TFB1M: variants seen among roughly 807,000 people sequenced by gnomAD.
The protein encoded by TFB1M is dimethyladenosine transferase 1, mitochondrial.
TFB1M carries 27 observed loss-of-function variants against 31.1 expected under a neutral mutation model. That is an observed-to-expected ratio of 0.87 (90% CI 0.64 to 1.20). The LOEUF is 1.20. TFB1M is among the 50% of genes most tolerant of loss of function. TFB1M has a pLI of 0.00. For missense variants in TFB1M, 394 were observed against 418.7 expected (o/e 0.94, Z 0.51); for synonymous variants, 166 against 151.8 (o/e 1.09, Z -0.69).
downstream of TFB1M, chr6:155,254,528 C>G: frequency 6.2e-7 from 1 of 1,613,982 alleles, no homozygotes; most frequent in Non-Finnish European, 8.5e-7. Flanking sequence ...GTGTAAGGAT[C>G]GCCTGGTACC....
the TFB1M span, among the ~76,000 whole-genome samples, chr6:155,232,381 CAT>C: frequency 6.6e-6 from 1 of 152,176 alleles, no homozygotes; most frequent in Non-Finnish European, 1.5e-5. Flanking sequence ...GCAGCCTCCC[CAT>C]GCCTTCCAGA....
chr6:155,245,689 T>C, the TFB1M span: 1 of 1,613,990 alleles, frequency 6.2e-7, no homozygotes, highest in Non-Finnish European at 8.5e-7. Context: ...GTACAGTGGA[T>C]TCTGTGCTAA....
downstream of TFB1M, chr6:155,254,032 C>T: frequency 6.2e-7 from 1 of 1,614,022 alleles, no homozygotes; most frequent in African/African-American, 1.3e-5. Flanking sequence ...AGAAGGACGG[C>T]CAGAAACCAT....
intron 2 of TFB1M, among the ~76,000 whole-genome samples, chr6:155,308,382 G>C (rs557058332): frequency 6.6e-6 from 1 of 152,270 alleles, no homozygotes; most frequent in South Asian, 2.1e-4. Context: ...TTAATCACCA[G>C]AGGTAATCAA....
chr6:155,283,931 A>T (rs571486381), intron 5 of TFB1M, among the ~76,000 whole-genome samples: 1 of 152,354 alleles, frequency 6.6e-6, no homozygotes, highest in East Asian at 1.9e-4. Flanking sequence ...TTTGAAGATA[A>T]CCTATAAGAT....
the TFB1M span, chr6:155,244,749 A>C: frequency 6.2e-7 from 1 of 1,613,918 alleles, no homozygotes; most frequent in Non-Finnish European, 8.5e-7. Flanking sequence ...GCATCATCTG[A>C]CTTTAACACC....
At chr6:155,276,076 T>C in intron 5 of TFB1M, 1 of 1,614,186 alleles carries the variant, frequency 6.2e-7, no homozygotes, top group African/African-American at 1.3e-5. Flanking sequence ...ATGCTTCCTT[T>C]GCTGGAGGAG....
At chr6:155,290,320 G>A (rs1361886913) in intron 4 of TFB1M, among the ~76,000 whole-genome samples, 1 of 148,982 alleles carries the variant, frequency 6.7e-6, no homozygotes, top group African/African-American at 2.5e-5. Context: ...CGGGAGGCGG[G>A]GCTTGCAGCG....
At chr6:155,244,187 C>T in the TFB1M span, 1 of 1,086,050 alleles carries the variant, frequency 9.2e-7, no homozygotes, top group Non-Finnish European at 1.4e-6. Flanking sequence ...AAGAACATCC[C>T]AAGACTTAAC....
rs190595028 is a variant in TFB1M, at chr6:155,262,434, T to A, written c.667-2034A>T. On this transcript the variant is annotated intron_variant, in intron 5 of 6. Transcript: ENST00000367166. ...TCGCCAGCCTTCTCTCACTGGACTC[T>A]CCATTTCCCTTTCATCCCCTGAGCT... Among the ~76,000 whole-genome samples the A allele has an allele frequency of 3.3e-5, 5 of 152,250 alleles. No homozygotes were observed. The East Asian group carries it at 9.7e-4, about 29-fold the overall frequency.
At chr6:155,256,010 T>TAA (rs1554248978), downstream of TFB1M, 864 of 146,732 alleles carry the variant, frequency 5.9e-3, 8 homozygotes, top group African/African-American at 0.026. Flanking sequence ...ACACTGTCTT[T>TAA]AAAAAAAAAG....
At chr6:155,254,223 T>C, downstream of TFB1M, 4 of 989,684 alleles carry the variant, frequency 4.0e-6, no homozygotes, top group South Asian at 1.7e-5. Context: ...ACTATGTTGA[T>C]TAAATAAATA....
At position 155,257,839 on chromosome 6, in the gene TFB1M, G is replaced by A. The variant is rs1391745461; in HGVS notation, c.1038C>T (p.Leu346=). Residue 346 remains leucine, a synonymous_variant, in exon 7 of 7, where the codon CTC becomes CTT. Transcript: ENST00000367166. ...KEEDDAENYR[L] is the part of the protein sequence containing the mutation. ...GCTGCTCGCCCCCAGGCAGCAGCTA[G>A]AGTCTGTAATTCTCTGCGTCATCCT... 1.2e-6 allele frequency: 2 copies of A among 1,614,134 alleles called. No homozygotes were observed. The highest frequency in any genetic ancestry group is 8.5e-7 in the Non-Finnish European group (1 of 1,179,978).
At chr6:155,309,476 A>C (rs1777925433) in intron 2 of TFB1M, among the ~76,000 whole-genome samples, 1 of 152,176 alleles carries the variant, frequency 6.6e-6, no homozygotes, top group Admixed American at 6.5e-5. Flanking sequence ...GAACGCAGTG[A>C]CTTATGGGTT....
At chr6:155,258,164 A>AAAC in intron 6 of TFB1M, 82 bp from the exon 7 acceptor site, 1 of 1,521,874 alleles carries the variant, frequency 6.6e-7, no homozygotes, top group Non-Finnish European at 9.0e-7. Context: ...CCTCATTTGA[A>AAAC]AACAACACAA....
At chr6:155,231,070 G>A in the TFB1M span, among the ~76,000 whole-genome samples, 2 of 151,732 alleles carry the variant, frequency 1.3e-5, no homozygotes, top group African/African-American at 2.4e-5. Context: ...TCAGACTCCT[G>A]ACATCAAGTG....
chr6:155,268,968 GA>G (rs1165731413), intron 5 of TFB1M, among the ~76,000 whole-genome samples: 8 of 95,026 alleles, frequency 8.4e-5, no homozygotes, highest in African/African-American at 2.5e-4. Flanking sequence ...AAAGAAAAAA[GA>G]AAAAAAATTA....
rs1419596021 is a variant in TFB1M at position 155,314,418 on chromosome 6, G to T, written c.11C>A (p.Ser4Tyr). The T allele has an allele frequency of 1.4e-5, 22 of 1,614,050 alleles. No homozygotes were observed. The highest frequency in any genetic ancestry group is 1.8e-5 in the Non-Finnish European group (21 of 1,180,016). Residue 4 changes from serine (S) to tyrosine (Y), a missense_variant, in exon 1 of 7, where the codon TCC becomes TAC. Transcript: ENST00000367166. MAA[S>Y]GKLSTCRLPP... ...GAGACGGCAAGTGCTGAGTTTTCCGGAGGCAGCCATGATACGCGGCAAGCA... is the reference window on the plus strand; with the variant it reads ...GAGACGGCAAGTGCTGAGTTTTCCGTAGGCAGCCATGATACGCGGCAAGCA...
the TFB1M span, chr6:155,240,740 T>A: frequency 6.3e-7 from 1 of 1,588,110 alleles, no homozygotes. Flanking sequence ...TATGCATTCG[T>A]GCCTCTTTGA....
Sources: gnomAD v4.1 joint callset for allele counts (sites outside exome capture counted in the v4.1 genomes callset) on GRCh38, gnomAD v4.1.1 for gene constraint, MANE v1.5 for transcripts, NCBI Gene and HGNC (gene_info 2026-07-23, HGNC 2026-07-21) for gene names.